The following CRISP2 variants were observed in gnomAD, a reference collection of about 807,000 sequenced individuals.
The protein encoded by CRISP2 is cysteine-rich secretory protein 2.
In CRISP2, 29 loss-of-function variants were observed where a neutral mutation model predicts 31.7. The observed-to-expected ratio is 0.92, with a 90% CI of 0.68 to 1.25. The LOEUF is 1.25. CRISP2 is among the 50% of genes most tolerant of loss of function. CRISP2 has a pLI of 0.00. For synonymous variants in CRISP2, 111 were observed against 101.4 expected, an observed-to-expected ratio of 1.09 and a Z score of -0.57; for missense variants, 318 against 286.5, an observed-to-expected ratio of 1.11 and a Z score of -0.79.
chr6:49,682,727 C>CTTTCT, the CRISP2 span, among the ~76,000 whole-genome samples: 1 of 137,484 alleles, frequency 7.3e-6, no homozygotes, highest in Non-Finnish European at 1.6e-5. Flanking sequence ...TTTTCTCTTT[C>CTTTCT]TTTTTCTTTC....
At chr6:49,701,543 CAG>C (rs1765735681) in intron 4 of CRISP2, among the ~76,000 whole-genome samples, 1 of 118,792 alleles carries the variant, frequency 8.4e-6, no homozygotes, top group African/African-American at 3.3e-5. Context: ...CACACACACA[CAG>C]TATATATATA....
chr6:49,706,257 C>T (rs1428138718), intron 4 of CRISP2, among the ~76,000 whole-genome samples: 4 of 152,082 alleles, frequency 2.6e-5, no homozygotes, highest in African/African-American at 9.7e-5. Flanking sequence ...TGGTATCTGC[C>T]TTTAAGGAAA....
chr6:49,698,234 A>T (rs1193038676), intron 7 of CRISP2, 128 bp downstream of exon 7: 4 of 1,110,998 alleles, frequency 3.6e-6, no homozygotes, highest in Non-Finnish European at 5.1e-6. Context: ...ACAACAGCCA[A>T]ATGCCAAGAC....
downstream of CRISP2, among the ~76,000 whole-genome samples, chr6:49,687,423 G>C (rs1455932946): frequency 6.6e-6 from 1 of 152,146 alleles, no homozygotes; most frequent in South Asian, 2.1e-4. Context: ...TTTCTGCCAG[G>C]AGTAATATTA....
downstream of CRISP2, among the ~76,000 whole-genome samples, chr6:49,688,762 T>C (rs80081303): frequency 2.0e-5 from 3 of 152,346 alleles, no homozygotes; most frequent in Non-Finnish European, 4.4e-5. Context: ...CTCATATTGA[T>C]TAAGGTATTA....
chr6:49,678,917 T>G, the CRISP2 span, among the ~76,000 whole-genome samples: 1 of 152,282 alleles, frequency 6.6e-6, no homozygotes, highest in Non-Finnish European at 1.5e-5. Flanking sequence ...ACAGAATTGG[T>G]GTCCCAGTTG....
intron 5 of CRISP2, 75 bp downstream of exon 5, chr6:49,700,593 A>G (rs140411008): frequency 1.2e-6 from 1 of 844,978 alleles, no homozygotes; most frequent in African/African-American, 1.7e-5. Context: ...AAAGTTCTTA[A>G]GAGATGCCAG....
At chr6:49,691,929 C>G (rs1431846105), downstream of CRISP2, among the ~76,000 whole-genome samples, 1 of 152,060 alleles carries the variant, frequency 6.6e-6, no homozygotes, top group Non-Finnish European at 1.5e-5. Flanking sequence ...AACCTTTCCA[C>G]TTTTAAAAAA....
At chr6:49,699,002 C>G (rs1765220531) in intron 6 of CRISP2, among the ~76,000 whole-genome samples, 1 of 152,044 alleles carries the variant, frequency 6.6e-6, no homozygotes, top group Non-Finnish European at 1.5e-5. Context: ...GGAAGGATAA[C>G]AGTTTTCAAA....
intron 9 of CRISP2, among the ~76,000 whole-genome samples, chr6:49,693,159 A>C (rs1313844664): frequency 2.6e-5 from 4 of 152,118 alleles, no homozygotes; most frequent in Non-Finnish European, 4.4e-5. Flanking sequence ...TCACTCTTTA[A>C]ATTCCACATT....
downstream of CRISP2, chr6:49,692,338 A>G (rs976598376): frequency 6.5e-6 from 1 of 152,890 alleles, no homozygotes; most frequent in African/African-American, 2.4e-5. Flanking sequence ...TTTGTTTAAA[A>G]GAAAGGTCAT....
intron 4 of CRISP2, among the ~76,000 whole-genome samples, chr6:49,703,193 C>G (rs1225768799): frequency 2.0e-5 from 3 of 152,024 alleles, no homozygotes; most frequent in Non-Finnish European, 4.4e-5. Flanking sequence ...ATTTTTATAC[C>G]AGTACCATGC....
chr6:49,708,503 A>G (rs1767449935), intron 4 of CRISP2, among the ~76,000 whole-genome samples: 1 of 152,148 alleles, frequency 6.6e-6, no homozygotes, highest in South Asian at 2.1e-4. Context: ...AAGGGAAGAT[A>G]ATGTAAAGAT....
intron 5 of CRISP2, 50 bp downstream of exon 5, chr6:49,700,618 C>T (rs1272660279): frequency 1.7e-6 from 2 of 1,144,918 alleles, no homozygotes; most frequent in Admixed American, 3.6e-5. Context: ...CAGCCGTCGG[C>T]TCCTTCCACA....
chr6:49,695,563 G>T (rs1489641293), intron 9 of CRISP2, among the ~76,000 whole-genome samples: 1 of 152,062 alleles, frequency 6.6e-6, no homozygotes, highest in Non-Finnish European at 1.5e-5. Context: ...ATGGTATATG[G>T]TTAATATTAA....
chr6:49,678,815 A>G, the CRISP2 span, among the ~76,000 whole-genome samples: 1 of 152,108 alleles, frequency 6.6e-6, no homozygotes, highest in Non-Finnish European at 1.5e-5. Flanking sequence ...TTAGGTGGCC[A>G]CTTAATATTC....
At chr6:49,702,618 G>T (rs1766292260) in intron 4 of CRISP2, among the ~76,000 whole-genome samples, 1 of 151,848 alleles carries the variant, frequency 6.6e-6, no homozygotes, top group South Asian at 2.1e-4. Flanking sequence ...TTTGAGAATT[G>T]TCTACTCATG....
In CRISP2 at chr6:49,700,732, A is replaced by G. The variant is rs768021545; in HGVS notation, c.119T>C (p.Ile40Thr). 1 of 1,612,726 alleles carries G rather than the reference A, an allele frequency of 6.2e-7. No individual in the cohort carries two copies. Among genetic ancestry groups the G allele is most frequent in the African/African-American group, 1.3e-5 (1 of 74,820 alleles). Residue 40 changes from isoleucine to threonine, a missense_variant, in exon 5 of 10, where the codon ATT becomes ACT. Coordinates refer to ENST00000339139, the MANE Select transcript of CRISP2 (RefSeq NM_003296.4). ...CCTTAGTTCATTGTGTTTATTTACAATCTCCCTTTGCACTTGCAACTGGGT... is the reference window on the plus strand; with the variant it reads ...CCTTAGTTCATTGTGTTTATTTACAGTCTCCCTTTGCACTTGCAACTGGGT... ...LTTQLQVQRE[I>T]VNKHNELRKA...
At chr6:49,704,273 A>G (rs1032812896) in intron 4 of CRISP2, among the ~76,000 whole-genome samples, 2 of 151,846 alleles carry the variant, frequency 1.3e-5, no homozygotes, top group Admixed American at 6.6e-5. Context: ...TACTTTTTAA[A>G]TTTTTTTGAG....
Sources: gnomAD v4.1 joint callset for allele counts (sites outside exome capture counted in the v4.1 genomes callset) on GRCh38, gnomAD v4.1.1 for gene constraint, MANE v1.5 for transcripts, NCBI Gene and HGNC (gene_info 2026-07-23, HGNC 2026-07-21) for gene names.